ARAP1: variants seen among roughly 807,000 people sequenced by gnomAD.
ARAP1 encodes the protein arf-GAP with Rho-GAP domain, ANK repeat and PH domain-containing protein 1.
A neutral mutation model predicts 172.2 loss-of-function variants in ARAP1; 76 were observed. The observed-to-expected ratio is 0.44, with a 90% CI of 0.37 to 0.53. The LOEUF is 0.53. Among genes scored for constraint, ARAP1 ranks in the 20% least tolerant of loss-of-function variants. The probability of loss-of-function intolerance (pLI) is 0.00; values close to 1 mark genes in which losing one functional copy is unlikely to be tolerated. For missense variants in ARAP1, 1,686 were observed against 1,977.5 expected (o/e 0.85, Z 2.80); for synonymous variants, 804 against 803.3 (o/e 1.00, Z -0.01).
At chr11:72,729,350 G>C (rs1857789713) in intron 2 of ARAP1, among the ~76,000 whole-genome samples, 1 of 152,138 alleles carries the variant, frequency 6.6e-6, no homozygotes, top group African/African-American at 2.4e-5. Context: ...CCAGCACTTA[G>C]GGATGCTGAG....
In ARAP1 at chr11:72,697,186, G is replaced by A; in HGVS notation, c.2963C>T (p.Ser988Phe). The A allele has an allele frequency of 6.2e-7, 1 of 1,602,390 alleles. No individual in the cohort carries two copies. Among genetic ancestry groups the A allele is most frequent in the Non-Finnish European group, 8.5e-7 (1 of 1,179,522 alleles). ...CCCACACTTGCGGTAGATGCCCTCG[G>A]AGGTCAGGCCTAGGGAGGGGCGGGG... is the stretch of plus-strand genomic sequence containing the variant. ...VDYITQCGLT[S>F]EGIYRKCGQT... is the part of the protein sequence containing the mutation. The change falls in exon 22 of 35, where the codon TCC (serine) becomes TTC (phenylalanine). Residue 988 changes from serine (S) to phenylalanine (F), a missense_variant. Physicochemically the swap from Ser to Phe is radical, Grantham distance 155. This residue lies in a region of ARAP1 where 274 missense variants were observed against 262.7 expected (regional missense o/e 1.04). Coordinates refer to ENST00000393609, the MANE Select transcript of ARAP1 (RefSeq NM_001040118.3).
At position 72,727,120 on chromosome 11, in the gene ARAP1, C is replaced by A; in HGVS notation, c.9G>T (p.Glu3Asp). ...CCACCGATAGCGCAGCATCCCCAGCCTCTGCCATGGTTCCTGCCAGCGGAG... is the reference window on the plus strand; with the variant it reads ...CCACCGATAGCGCAGCATCCCCAGCATCTGCCATGGTTCCTGCCAGCGGAG... MA[E>D]AGDAALSVAE... Residue 3 changes from glutamate (E) to aspartate (D), a missense_variant, in exon 3 of 35, where the codon GAG becomes GAT. Glu to Asp is a conservative substitution (Grantham distance 45). Transcript: ENST00000393609. 1 of 1,586,106 alleles carries A rather than the reference C, an allele frequency of 6.3e-7. No homozygotes were observed. The highest frequency in any genetic ancestry group is 8.6e-7 in the Non-Finnish European group (1 of 1,162,008).
At chr11:72,700,962 C>T (rs1856456849) in intron 16 of ARAP1, among the ~76,000 whole-genome samples, 1 of 152,218 alleles carries the variant, frequency 6.6e-6, no homozygotes, top group South Asian at 2.1e-4. Flanking sequence ...CGCGCCATTG[C>T]ACTCCAGCCT....
chr11:72,691,866 G>A (rs1855946987), intron 30 of ARAP1, among the ~76,000 whole-genome samples: 1 of 152,108 alleles, frequency 6.6e-6, no homozygotes, highest in African/African-American at 2.4e-5. Flanking sequence ...ATGGTTTCGG[G>A]ATAAAACTGT....
intron 5 of ARAP1, 117 bp from the exon 6 acceptor site, chr11:72,712,685 A>G: frequency 6.5e-7 from 1 of 1,530,676 alleles, no homozygotes; most frequent in Non-Finnish European, 8.9e-7. Context: ...CAGCACTTTT[A>G]GTTCTGTTTC....
At chr11:72,685,704 C>G (rs1304531871) in intron 34 of ARAP1, 23 bp from the exon 35 acceptor site, 23 of 1,613,866 alleles carry the variant, frequency 1.4e-5, no homozygotes, top group Non-Finnish European at 1.9e-5. Flanking sequence ...AAGAGACCCA[C>G]AGGTATTTTG....
Position 72,710,645 on chromosome 11 carries a change from C to A in ARAP1, c.1214-58G>T. The A allele has an allele frequency of 6.6e-7, 1 of 1,511,174 alleles. No homozygotes were observed. The highest frequency in any genetic ancestry group is 1.2e-5 in the South Asian group (1 of 83,136). The allele number at this position is 1,511,174 out of a possible 1,614,324, so 93.6% of individuals were successfully genotyped here. A position where few individuals can be genotyped will look rare whatever the true frequency, so the allele number is the denominator to read the frequency against. On this transcript the variant is annotated intron_variant, in intron 9 of 34. Coordinates refer to ENST00000393609, the MANE Select transcript of ARAP1 (RefSeq NM_001040118.3). The surrounding 1 kb of genome is among the most constrained non-coding windows in gnomAD (Gnocchi z 4.3). ...GTTGCAGGGAGCCCCTCAGGGGTCT[C>A]CTGGCCCTAGGCTCCTCATGCAACA...
chr11:72,698,151 G>C (rs756182617), intron 18 of ARAP1, 45 bp from the exon 19 acceptor site: 3 of 1,521,448 alleles, frequency 2.0e-6, no homozygotes, highest in Non-Finnish European at 2.7e-6. Context: ...CAACGGCACT[G>C]CCTGCCCCAA....
intron 1 of ARAP1, among the ~76,000 whole-genome samples, chr11:72,739,749 T>C (rs1044618244): frequency 1.5e-4 from 23 of 152,198 alleles, no homozygotes; most frequent in African/African-American, 5.5e-4. Context: ...AGTCACTTCC[T>C]GTCCCTAGCC....
intron 30 of ARAP1, among the ~76,000 whole-genome samples, chr11:72,691,516 A>AG (rs1855930682): frequency 2.0e-5 from 3 of 152,220 alleles, no homozygotes; most frequent in South Asian, 4.1e-4. Flanking sequence ...ATCACAGAAG[A>AG]GGGCAAAGGA....
chr11:72,697,681 G>T (rs764799505), intron 19 of ARAP1, 32 bp from the exon 20 acceptor site: 21 of 1,613,076 alleles, frequency 1.3e-5, no homozygotes, highest in Non-Finnish European at 1.7e-5. Flanking sequence ...TGAGGCCCAG[G>T]TCTTGCTCCT....
chr11:72,699,062 G>A lies in ARAP1; in HGVS notation c.2484C>T (p.Tyr828=). 2 of 1,614,062 alleles carry A rather than the reference G, an allele frequency of 1.2e-6. No homozygotes were observed. The highest frequency in any genetic ancestry group is 1.7e-6 in the Non-Finnish European group (2 of 1,180,024). Residue 828 remains tyrosine, a synonymous_variant, in exon 18 of 35, where the codon TAC becomes TAT. Coordinates refer to ENST00000393609, the MANE Select transcript of ARAP1 (RefSeq NM_001040118.3). The surrounding 1 kb of genome is among the most constrained non-coding windows in gnomAD (Gnocchi z 4.2). ...GCTCCGCACTCTCCAGCCCAAACAG[G>A]TACAGCCGTTCTCCCTCCGTGTACA... ...FEVYTEGERL[Y]LFGLESAEQA... is the part of the protein sequence containing the mutation.
chr11:72,740,692 G>C (rs753575897), intron 1 of ARAP1, among the ~76,000 whole-genome samples: 19 of 152,032 alleles, frequency 1.2e-4, no homozygotes, highest in Non-Finnish European at 2.2e-4. Flanking sequence ...CCCTCCCAAG[G>C]GTCTAAGACA....
At chr11:72,724,273 A>G (rs1857624097) in intron 3 of ARAP1, among the ~76,000 whole-genome samples, 2 of 152,042 alleles carry the variant, frequency 1.3e-5, no homozygotes, top group Admixed American at 1.3e-4. Context: ...ACACATGCAC[A>G]CGCATCCACC....
intron 18 of ARAP1, 68 bp downstream of exon 18, chr11:72,698,937 G>A: frequency 6.7e-7 from 1 of 1,501,118 alleles, no homozygotes; most frequent in Non-Finnish European, 9.3e-7. Flanking sequence ...GGATACATGG[G>A]ATTGGCCAGG....
intron 3 of ARAP1, chr11:72,722,327 C>CA: frequency 1.0e-6 from 1 of 985,636 alleles, no homozygotes; most frequent in Middle Eastern, 5.2e-4. Flanking sequence ...CCAACACACA[C>CA]ACTTCCTGAA....
chr11:72,731,998 T>C (rs1857881070), intron 2 of ARAP1, among the ~76,000 whole-genome samples: 1 of 151,964 alleles, frequency 6.6e-6, no homozygotes, highest in African/African-American at 2.4e-5. Context: ...AAGAAAAAAA[T>C]ATACATATGT....
intron 5 of ARAP1, 57 bp downstream of exon 5, chr11:72,713,119 G>T: frequency 6.4e-7 from 1 of 1,566,638 alleles, no homozygotes; most frequent in Non-Finnish European, 8.8e-7. Context: ...GGTCTGACAG[G>T]CAGCTGGGCA....
At chr11:72,740,795 T>C (rs1275089228) in intron 1 of ARAP1, among the ~76,000 whole-genome samples, 1 of 152,060 alleles carries the variant, frequency 6.6e-6, no homozygotes, top group Admixed American at 6.5e-5. Flanking sequence ...GGACTGAGGC[T>C]CATTAATAAA....
Sources: allele counts gnomAD v4.1 joint callset (sites outside exome capture counted in the v4.1 genomes callset), GRCh38; gene constraint gnomAD v4.1.1; regional missense constraint gnomAD v4.1.1; non-coding constraint Gnocchi (gnomAD v3.1); transcripts MANE v1.5; gene names NCBI Gene and HGNC (gene_info 2026-07-23, HGNC 2026-07-21).